HCRTR2: variants seen among roughly 807,000 people sequenced by gnomAD.
HCRTR2 encodes hypocretin receptor 2, also known as orexin receptor type 2.
HCRTR2 carries 22 observed loss-of-function variants against 49.0 expected under a neutral mutation model. That is an observed-to-expected ratio of 0.45 (90% CI 0.32 to 0.64). HCRTR2 has a LOEUF of 0.64. Ranked by LOEUF, HCRTR2 falls within the 30% of genes least tolerant of loss-of-function variation. The pLI is 0.04. For synonymous variants in HCRTR2, 236 were observed against 205.3 expected, an observed-to-expected ratio of 1.15 and a Z score of -1.28; for missense variants, 491 against 559.4, an observed-to-expected ratio of 0.88 and a Z score of 1.23.
chr6:55,261,554 G>A (rs1396479800), intron 3 of HCRTR2, among the ~76,000 whole-genome samples: 4 of 152,088 alleles, frequency 2.6e-5, no homozygotes, highest in Non-Finnish European at 5.9e-5. Context: ...ACAGACGTGA[G>A]CCTGTAATTG....
intron 1 of HCRTR2, among the ~76,000 whole-genome samples, chr6:55,214,415 T>A (rs1765752272): frequency 6.6e-6 from 1 of 152,198 alleles, no homozygotes; most frequent in Non-Finnish European, 1.5e-5. Context: ...CACTGCAGCC[T>A]CAAACTCCAA....
chr6:55,145,738 C>G (rs1764572614), intron 1 of HCRTR2, among the ~76,000 whole-genome samples: 1 of 151,948 alleles, frequency 6.6e-6, no homozygotes, highest in African/African-American at 2.4e-5. Context: ...GCTAACCAAC[C>G]TCCTTTACAC....
intron 1 of HCRTR2, among the ~76,000 whole-genome samples, chr6:55,148,911 A>G (rs1764628706): frequency 6.6e-6 from 1 of 152,152 alleles, no homozygotes; most frequent in South Asian, 2.1e-4. Flanking sequence ...CTTGAATGAT[A>G]AGAAAATAAA....
chr6:55,122,836 A>G (rs1230778420), intron 1 of HCRTR2, among the ~76,000 whole-genome samples: 4 of 152,018 alleles, frequency 2.6e-5, no homozygotes, highest in Non-Finnish European at 5.9e-5. Flanking sequence ...ATGAAGCTGG[A>G]AACCGTCATT....
intron 1 of HCRTR2, among the ~76,000 whole-genome samples, chr6:55,114,450 T>C (rs764110260): frequency 6.6e-6 from 1 of 151,726 alleles, no homozygotes; most frequent in Non-Finnish European, 1.5e-5. Context: ...CAGTATTTCC[T>C]CCCAGTAATG....
chr6:55,125,367 A>G (rs927314224), intron 1 of HCRTR2, among the ~76,000 whole-genome samples: 1 of 152,082 alleles, frequency 6.6e-6, no homozygotes, highest in Non-Finnish European at 1.5e-5. Context: ...CTCCTTCACT[A>G]TTGAAGCTTA....
chr6:55,277,659 A>C lies in HCRTR2; in HGVS notation c.983+59A>C. On this transcript the variant is annotated intron_variant, in intron 5 of 6. Transcript: ENST00000370862. ...CCTGCCTTTTCTTGATTCTTAATTA[A>C]CTTTTTTTTTTTTTTTAACTAAGCC... 7 of 1,156,694 alleles carry C rather than the reference A, an allele frequency of 6.1e-6. No homozygotes were observed. The Admixed American group carries it at 1.0e-4, about 17-fold the overall frequency. The allele number at this position is 1,156,694 out of a possible 1,614,324, so 71.7% of individuals were successfully genotyped here.
intron 1 of HCRTR2, among the ~76,000 whole-genome samples, chr6:55,145,642 C>T (rs565215498): frequency 3.3e-5 from 5 of 152,102 alleles, no homozygotes; most frequent in African/African-American, 1.2e-4. Context: ...GTCTCAATCT[C>T]CTGACCTCGT....
At chr6:55,205,998 T>G (rs1194158062) in intron 1 of HCRTR2, among the ~76,000 whole-genome samples, 1 of 152,078 alleles carries the variant, frequency 6.6e-6, no homozygotes, top group Non-Finnish European at 1.5e-5. Flanking sequence ...AATAAAAAAA[T>G]TTAAAAATTA....
intron 1 of HCRTR2, among the ~76,000 whole-genome samples, chr6:55,141,942 C>T (rs1468653903): frequency 6.6e-6 from 1 of 151,672 alleles, no homozygotes; most frequent in Non-Finnish European, 1.5e-5. Context: ...ATGTCAAACA[C>T]CAAGAAATGG....
intron 1 of HCRTR2, among the ~76,000 whole-genome samples, chr6:55,164,891 T>C (rs1340742391): frequency 6.6e-6 from 1 of 152,090 alleles, no homozygotes; most frequent in African/African-American, 2.4e-5. Context: ...AAAATAGCTG[T>C]TGTGAGGAAA....
intron 1 of HCRTR2, among the ~76,000 whole-genome samples, chr6:55,157,875 C>T (rs999792223): frequency 6.6e-6 from 1 of 152,210 alleles, no homozygotes; most frequent in African/African-American, 2.4e-5. Context: ...ACTCAAGTCC[C>T]ATTTGATACC....
chr6:55,273,512 A>G (rs1374146299), intron 4 of HCRTR2, among the ~76,000 whole-genome samples: 1 of 152,100 alleles, frequency 6.6e-6, no homozygotes, highest in Non-Finnish European at 1.5e-5. Flanking sequence ...TCCATTTGTC[A>G]TCTTTTTCTC....
At chr6:55,252,203 C>G (rs1766563157) in intron 2 of HCRTR2, among the ~76,000 whole-genome samples, 1 of 152,086 alleles carries the variant, frequency 6.6e-6, no homozygotes, top group Non-Finnish European at 1.5e-5. Context: ...TTAGATACAT[C>G]ACACTAGCAT....
chr6:55,185,843 T>G (rs180803199), intron 1 of HCRTR2, among the ~76,000 whole-genome samples: 1 of 152,348 alleles, frequency 6.6e-6, no homozygotes, highest in Admixed American at 6.5e-5. Flanking sequence ...ATAGACAATA[T>G]TCCTTGACAA....
intron 1 of HCRTR2, among the ~76,000 whole-genome samples, chr6:55,130,800 C>T (rs1764345315): frequency 6.6e-6 from 1 of 151,834 alleles, no homozygotes; most frequent in African/African-American, 2.4e-5. Context: ...CACCCCAACA[C>T]ACATATACAC....
chr6:55,176,659 A>C (rs960800971), intron 1 of HCRTR2, among the ~76,000 whole-genome samples: 1 of 152,216 alleles, frequency 6.6e-6, no homozygotes, highest in Admixed American at 6.5e-5. Flanking sequence ...TGACGTATTA[A>C]GGGACATAAT....
chr6:55,248,534 C>T (rs1193456959), intron 1 of HCRTR2, 105 bp from the exon 2 acceptor site: 1 of 935,262 alleles, frequency 1.1e-6, no homozygotes, highest in African/African-American at 1.6e-5. Flanking sequence ...AATTATTTTT[C>T]TTTTTAAATA....
intron 3 of HCRTR2, among the ~76,000 whole-genome samples, chr6:55,256,218 A>G (rs1766649582): frequency 6.6e-6 from 1 of 152,142 alleles, no homozygotes; most frequent in Admixed American, 6.6e-5. Context: ...TATATTTAAA[A>G]AAAAACCAAT....
Sources: gnomAD v4.1 joint callset for allele counts (sites outside exome capture counted in the v4.1 genomes callset) on GRCh38, gnomAD v4.1.1 for gene constraint, MANE v1.5 for transcripts, NCBI Gene and HGNC (gene_info 2026-07-23, HGNC 2026-07-21) for gene names.